Variants in VPS13D observed in about 807,000 individuals in gnomAD.
VPS13D encodes the protein vacuolar protein sorting 13 homolog D.
VPS13D carries 187 observed loss-of-function variants against 461.9 expected under a neutral mutation model. The observed-to-expected ratio is 0.40, with a 90% CI of 0.36 to 0.46. VPS13D has a LOEUF of 0.46. Among genes scored for constraint, VPS13D ranks in the 20% least tolerant of loss-of-function variants. The pLI, the probability that VPS13D is intolerant of heterozygous loss-of-function variation, is 0.60. For synonymous variants in VPS13D, 1,951 were observed against 1,986.3 expected (o/e 0.98, Z 0.47); for missense variants, 4,711 against 5,364.9 (o/e 0.88, Z 3.81).
intron 60 of VPS13D, among the ~76,000 whole-genome samples, chr1:12,393,663 A>G (rs1252810721): frequency 2.6e-5 from 4 of 152,126 alleles, no homozygotes; most frequent in Admixed American, 6.5e-5. Context: ...AATCTCCACA[A>G]TCCCTCCAGG....
At chr1:12,238,283 A>G (rs1569630153) in intron 2 of VPS13D, among the ~76,000 whole-genome samples, 1 of 142,178 alleles carries the variant, frequency 7.0e-6, no homozygotes, top group African/African-American at 2.6e-5. Context: ...ATACATATAT[A>G]TGTATACATA....
At chr1:12,460,127 A>T (rs1228602256) in intron 66 of VPS13D, 74 bp from the exon 67 acceptor site, 16 of 1,361,978 alleles carry the variant, frequency 1.2e-5, no homozygotes, top group Middle Eastern at 1.9e-4. Flanking sequence ...TCATTCCATA[A>T]TCAAGGGGTT....
intron 63 of VPS13D, among the ~76,000 whole-genome samples, chr1:12,404,456 T>C (rs1364807499): frequency 2.0e-5 from 3 of 152,166 alleles, no homozygotes; most frequent in African/African-American, 7.2e-5. Context: ...TAGGAGTGTT[T>C]AAAGTCGACT....
At chr1:12,383,728 A>G (rs1336693261) in intron 58 of VPS13D, among the ~76,000 whole-genome samples, 1 of 152,240 alleles carries the variant, frequency 6.6e-6, no homozygotes, top group Non-Finnish European at 1.5e-5. Context: ...CTGAGCAGCT[A>G]CTTGAGCCAG....
chr1:12,356,128 A>G (rs1472899083), intron 48 of VPS13D, 38 bp downstream of exon 48: 1 of 1,555,852 alleles, frequency 6.4e-7, no homozygotes, highest in Non-Finnish European at 8.7e-7. Flanking sequence ...CTTTGGCGTT[A>G]GTCATGGGAA....
chr1:12,448,047 GT>G (rs1645216241), intron 65 of VPS13D, among the ~76,000 whole-genome samples: 1 of 152,100 alleles, frequency 6.6e-6, no homozygotes, highest in African/African-American at 2.4e-5. Flanking sequence ...TTTGATTTGT[GT>G]TTTTTTCCAA....
chr1:12,497,639 A>C lies in VPS13D; in HGVS notation c.12794+8A>C. 6.2e-7 allele frequency: 1 copy of C among 1,610,172 alleles called. No homozygotes were observed. The highest frequency in any genetic ancestry group is 8.5e-7 in the Non-Finnish European group (1 of 1,178,530). ...CAACATACAGGACGAATTGTAAGTTAGAGCATGGGAAACCAGCCCTGTGGG... is the reference window on the plus strand; with the variant it reads ...CAACATACAGGACGAATTGTAAGTTCGAGCATGGGAAACCAGCCCTGTGGG... On this transcript the variant is annotated splice_region_variant and intron_variant, in intron 68 of 69. Coordinates refer to ENST00000620676, the MANE Select transcript of VPS13D (RefSeq NM_015378.4).
chr1:12,362,930 G>A (rs114915439), intron 51 of VPS13D, 80 bp downstream of exon 51: 46,515 of 1,595,838 alleles, frequency 0.029, 805 homozygotes, highest in Non-Finnish European at 0.036. Flanking sequence ...AAGACTGTAC[G>A]TTCTGTGATG....
intron 65 of VPS13D, among the ~76,000 whole-genome samples, chr1:12,429,949 T>C (rs1161553627): frequency 6.6e-6 from 1 of 152,190 alleles, no homozygotes; most frequent in African/African-American, 2.4e-5. Context: ...TCCAGGAAAA[T>C]GTTTGAAGTA....
intron 46 of VPS13D, among the ~76,000 whole-genome samples, chr1:12,353,052 C>T (rs1016476151): frequency 6.9e-5 from 10 of 145,424 alleles, no homozygotes; most frequent in Admixed American, 4.1e-4. Flanking sequence ...GATATATGTC[C>T]AAAAAATACT....
chr1:12,251,275 C>T (rs1029358109), intron 6 of VPS13D, among the ~76,000 whole-genome samples: 7 of 152,244 alleles, frequency 4.6e-5, no homozygotes, highest in Admixed American at 1.3e-4. Flanking sequence ...GCTGTGTGCT[C>T]CTCCTTTCAC....
At chr1:12,323,878 G>A in intron 35 of VPS13D, 98 bp downstream of exon 35, 4 of 1,296,984 alleles carry the variant, frequency 3.1e-6, no homozygotes, top group South Asian at 2.4e-5. Flanking sequence ...AGAGAGCTGA[G>A]TGTGTTTGGA....
At chr1:12,347,821 G>T (rs1463508364) in intron 44 of VPS13D, among the ~76,000 whole-genome samples, 1 of 152,082 alleles carries the variant, frequency 6.6e-6, no homozygotes, top group Non-Finnish European at 1.5e-5. Flanking sequence ...TTTTTCTTTG[G>T]TGTACCTAAC....
chr1:12,402,439 A>G (rs1644593650), intron 62 of VPS13D: 1 of 152,250 alleles, frequency 6.6e-6, no homozygotes, highest in African/African-American at 2.4e-5. Context: ...GCCTGAAGAA[A>G]TGATAAGAAA....
At chr1:12,500,250 C>G (rs920137607) in intron 68 of VPS13D, 2 of 979,664 alleles carry the variant, frequency 2.0e-6, no homozygotes, top group African/African-American at 3.5e-5. Context: ...GCTGAAAAGT[C>G]TTCACTTTCA....
chr1:12,399,095 A>G (rs1644537955), intron 60 of VPS13D, among the ~76,000 whole-genome samples: 1 of 152,258 alleles, frequency 6.6e-6, no homozygotes, highest in Non-Finnish European at 1.5e-5. Flanking sequence ...AGTGGCTAGC[A>G]TGGAGCTTCG....
In VPS13D at chr1:12,260,772, A is replaced by G. The variant is rs1242699222; in HGVS notation, c.1190A>G (p.His397Arg). 2 of 1,614,096 alleles carry G rather than the reference A, an allele frequency of 1.2e-6. No homozygotes were observed. Among genetic ancestry groups the G allele is most frequent in the East Asian group, 4.5e-5 (2 of 44,900 alleles). The part of the protein sequence containing the change: ...ILRELVHDRF[H>R]KQEELAESLR... ...CGTGAACTGGTTCATGATCGATTTCACAAACAGGAAGAACTAGCAGAGGTA... is the reference window on the plus strand; with the variant it reads ...CGTGAACTGGTTCATGATCGATTTCGCAAACAGGAAGAACTAGCAGAGGTA... The change falls in exon 11 of 70, where the codon CAC (histidine) becomes CGC (arginine). Residue 397 changes from histidine (H) to arginine (R), a missense_variant. Physicochemically the swap from His to Arg is conservative, Grantham distance 29. Transcript: ENST00000620676.
At chr1:12,500,882 G>T (rs1646026197) in intron 68 of VPS13D, among the ~76,000 whole-genome samples, 1 of 150,960 alleles carries the variant, frequency 6.6e-6, no homozygotes, top group Non-Finnish European at 1.5e-5. Flanking sequence ...GAGCAACATG[G>T]CAAAACCCCA....
At chr1:12,365,280 G>A (rs1465678999) in intron 52 of VPS13D, among the ~76,000 whole-genome samples, 2 of 152,076 alleles carry the variant, frequency 1.3e-5, no homozygotes, top group Non-Finnish European at 2.9e-5. Flanking sequence ...GGATTTTTCT[G>A]TTTCTGCAAA....
Sources: allele counts gnomAD v4.1 joint callset (sites outside exome capture counted in the v4.1 genomes callset), GRCh38; gene constraint gnomAD v4.1.1; transcripts MANE v1.5; gene names NCBI Gene and HGNC (gene_info 2026-07-23, HGNC 2026-07-21).